DRC9: variants seen among roughly 807,000 people sequenced by gnomAD.
DRC9 encodes the protein dynein regulatory complex subunit 9.
the DRC9 span, among the ~76,000 whole-genome samples, chr3:197,927,881 C>T: frequency 1.3e-5 from 2 of 148,812 alleles, no homozygotes; most frequent in East Asian, 4.0e-4. Flanking sequence ...ACCGCATGTT[C>T]TCATTCATAG....
chr3:197,943,814 C>A, the DRC9 span: 3 of 1,614,128 alleles, frequency 1.9e-6, no homozygotes, highest in Non-Finnish European at 2.5e-6. Flanking sequence ...ACTGAACGGG[C>A]ATGATGTAGT....
chr3:197,906,352 C>T, the DRC9 span: 31 of 152,036 alleles, frequency 2.0e-4, 1 homozygote, highest in East Asian at 5.8e-3. Flanking sequence ...AAAGATGACT[C>T]AAATCAGCAA....
the DRC9 span, chr3:197,950,227 T>C: frequency 8.9e-6 from 11 of 1,230,952 alleles, no homozygotes; most frequent in Admixed American, 4.2e-5. Flanking sequence ...TGGAGGTGAG[T>C]GAAGGGTCTG....
chr3:197,951,432 A>G, the DRC9 span: 1 of 1,073,222 alleles, frequency 9.3e-7, no homozygotes, highest in East Asian at 2.4e-5. Context: ...CCCTCACCGA[A>G]ACCTCCGCCT....
chr3:197,942,385 C>CAAAAAAAAAAAAA, the DRC9 span, among the ~76,000 whole-genome samples: 3 of 17,066 alleles, frequency 1.8e-4, 1 homozygote, highest in African/African-American at 3.9e-4. Flanking sequence ...CTCCGTCTCA[C>CAAAAAAAAAAAAA]AAAAAAAAAA....
chr3:197,937,434 G>A, the DRC9 span, among the ~76,000 whole-genome samples: 4,764 of 151,558 alleles, frequency 0.031, 271 homozygotes, highest in African/African-American at 0.11. Context: ...TTACACTAAG[G>A]TTGCAAGGTT....
the DRC9 span, among the ~76,000 whole-genome samples, chr3:197,939,505 C>T: frequency 3.3e-4 from 51 of 152,362 alleles, 1 homozygote; most frequent in Middle Eastern, 3.4e-3. Flanking sequence ...TGCCTTTCAG[C>T]TGATGGTGTA....
the DRC9 span, chr3:197,950,699 C>T: frequency 1.8e-6 from 1 of 562,508 alleles, no homozygotes; most frequent in South Asian, 2.3e-5. Context: ...ATTTTTGTGA[C>T]TCCTGTCCCT....
the DRC9 span, among the ~76,000 whole-genome samples, chr3:197,953,145 C>T: frequency 6.6e-6 from 1 of 152,250 alleles, no homozygotes; most frequent in Non-Finnish European, 1.5e-5. Flanking sequence ...TTCACCCACT[C>T]CAAGCCAATT....
the DRC9 span, chr3:197,889,504 T>C: frequency 1.3e-6 from 2 of 1,516,050 alleles, no homozygotes; most frequent in Admixed American, 1.7e-5. Flanking sequence ...ATCTTTGAGG[T>C]ACCAGGTGTT....
the DRC9 span, chr3:197,912,538 T>C: frequency 1.4e-6 from 1 of 704,400 alleles, no homozygotes; most frequent in Non-Finnish European, 2.5e-6. Flanking sequence ...TGCATAACCC[T>C]GAAAGAAAAC....
At chr3:197,894,613 T>G in the DRC9 span, 2 of 152,196 alleles carry the variant, frequency 1.3e-5, no homozygotes, top group African/African-American at 4.8e-5. Flanking sequence ...TCCATATTTG[T>G]GTACTTTCTA....
chr3:197,897,675 T>C, the DRC9 span, among the ~76,000 whole-genome samples: 1 of 152,118 alleles, frequency 6.6e-6, no homozygotes, highest in Non-Finnish European at 1.5e-5. Context: ...GTAACAGAGA[T>C]TGCACACTGT....
the DRC9 span, among the ~76,000 whole-genome samples, chr3:197,895,676 T>C: frequency 6.6e-6 from 1 of 152,120 alleles, no homozygotes; most frequent in Non-Finnish European, 1.5e-5. Flanking sequence ...GGTGAGTATT[T>C]AGGTAGAAAA....
At chr3:197,925,912 G>C in the DRC9 span, 1 of 730,612 alleles carries the variant, frequency 1.4e-6, no homozygotes, top group South Asian at 1.6e-5. Context: ...GAATGCCGGA[G>C]GAAACAACAA....
At chr3:197,903,715 G>A in the DRC9 span, among the ~76,000 whole-genome samples, 1 of 152,128 alleles carries the variant, frequency 6.6e-6, no homozygotes, top group East Asian at 1.9e-4. Flanking sequence ...CCAAAGAACT[G>A]GAGAAAATAT....
the DRC9 span, among the ~76,000 whole-genome samples, chr3:197,919,158 C>A: frequency 5.3e-4 from 81 of 152,324 alleles, no homozygotes; most frequent in Middle Eastern, 3.4e-3. Flanking sequence ...AAGCCAAAGG[C>A]ATCTGGTTTT....
the DRC9 span, among the ~76,000 whole-genome samples, chr3:197,927,331 A>C: frequency 5.3e-5 from 8 of 152,246 alleles, no homozygotes; most frequent in African/African-American, 1.9e-4. Flanking sequence ...GGTTCAAGCA[A>C]TTCTTCTGCC....
the DRC9 span, chr3:197,932,242 G>A: frequency 2.5e-6 from 4 of 1,613,246 alleles, no homozygotes; most frequent in Non-Finnish European, 2.5e-6. Context: ...GGAGACTGTT[G>A]TAAGTGGCCG....
Sources: gnomAD v4.1 joint callset for allele counts (sites outside exome capture counted in the v4.1 genomes callset) on GRCh38, gnomAD v4.1.1 for gene constraint, MANE v1.5 for transcripts, NCBI Gene and HGNC (gene_info 2026-07-23, HGNC 2026-07-21) for gene names.